The following NEGR1 variants were observed in gnomAD, a reference collection of about 807,000 sequenced individuals.
The protein encoded by NEGR1 is IgLON family member 4.
NEGR1 carries 10 observed loss-of-function variants against 40.9 expected under a neutral mutation model. The observed-to-expected ratio is 0.24, with a 90% CI of 0.15 to 0.42. The LOEUF (loss-of-function observed/expected upper bound fraction) is 0.42, where lower values mean the gene tolerates loss of function less well. Among genes scored for constraint, NEGR1 ranks in the 10% least tolerant of loss-of-function variants. The pLI is 1.00. For synonymous variants in NEGR1, 185 were observed against 166.8 expected (o/e 1.11, Z -0.84); for missense variants, 352 against 438.9 (o/e 0.80, Z 1.77).
Position 71,970,562 on chromosome 1 carries a change from C to T in NEGR1, c.177-35251G>A, listed in dbSNP as rs1425982743. Among the ~76,000 whole-genome samples, 6 of 151,832 alleles carry T rather than the reference C, an allele frequency of 4.0e-5. No individual in the cohort carries two copies. In the East Asian group the frequency reaches 7.8e-4, roughly 20 times the overall value. On this transcript the variant is annotated intron_variant, in intron 1 of 6. Coordinates refer to ENST00000357731, the MANE Select transcript of NEGR1 (RefSeq NM_173808.3). ...GAAAAATTAGCCAGGCATGGTAGTG[C>T]GTGCCTGTAGATCCAGCTCCTCCTT...
intron 1 of NEGR1, among the ~76,000 whole-genome samples, chr1:72,112,690 G>GA (rs35420279): frequency 0.42 from 62,439 of 149,890 alleles, 14,105 homozygotes; most frequent in South Asian, 0.55. Flanking sequence ...GAGGGGGAAA[G>GA]AAAAAAAAAT....
chr1:72,146,433 C>T (rs1316352138), intron 1 of NEGR1, among the ~76,000 whole-genome samples: 1 of 152,076 alleles, frequency 6.6e-6, no homozygotes, highest in African/African-American at 2.4e-5. Context: ...ATGATTTCTT[C>T]TCCGTAGCTT....
At chr1:71,793,411 G>C (rs1484850613) in intron 2 of NEGR1, among the ~76,000 whole-genome samples, 2 of 147,412 alleles carry the variant, frequency 1.4e-5, no homozygotes, top group Non-Finnish European at 3.0e-5. Flanking sequence ...GCCCGGCCTG[G>C]GATGGTCTAT....
chr1:72,216,620 T>C (rs965642552), intron 1 of NEGR1, among the ~76,000 whole-genome samples: 3 of 150,970 alleles, frequency 2.0e-5, no homozygotes, highest in East Asian at 1.9e-4. Flanking sequence ...TTTGAAAACA[T>C]AAAGTTAAAA....
At chr1:71,902,822 G>T (rs1162935581) in intron 2 of NEGR1, among the ~76,000 whole-genome samples, 1 of 151,480 alleles carries the variant, frequency 6.6e-6, no homozygotes, top group African/African-American at 2.4e-5. Flanking sequence ...TACAATATGG[G>T]CACAAGATGT....
chr1:71,965,443 A>C (rs1046772132), intron 1 of NEGR1, among the ~76,000 whole-genome samples: 1 of 152,170 alleles, frequency 6.6e-6, no homozygotes, highest in Non-Finnish European at 1.5e-5. Context: ...CATGCTTCAT[A>C]GTCTATGTCA....
chr1:72,091,050 A>G (rs1204039830), intron 1 of NEGR1, among the ~76,000 whole-genome samples: 5 of 152,104 alleles, frequency 3.3e-5, no homozygotes, highest in Admixed American at 1.3e-4. Context: ...TGATTTTTCA[A>G]ATTTATTAGA....
intron 4 of NEGR1, among the ~76,000 whole-genome samples, chr1:71,672,819 A>G (rs1652479019): frequency 6.6e-6 from 1 of 152,222 alleles, no homozygotes; most frequent in South Asian, 2.1e-4. Context: ...CTAACAGATC[A>G]TGAATGAGCT....
chr1:71,883,664 G>A (rs192687308), intron 2 of NEGR1, among the ~76,000 whole-genome samples: 4 of 152,012 alleles, frequency 2.6e-5, no homozygotes, highest in African/African-American at 9.6e-5. Context: ...CCGTGTTGGT[G>A]TGCTGCACCC....
chr1:71,435,924 A>C (rs905307623), intron 6 of NEGR1, among the ~76,000 whole-genome samples: 7 of 152,056 alleles, frequency 4.6e-5, no homozygotes, highest in Admixed American at 3.3e-4. Flanking sequence ...TCCTCAATAC[A>C]TTTCTAACTC....
intron 6 of NEGR1, among the ~76,000 whole-genome samples, chr1:71,506,149 A>G (rs1055553243): frequency 6.6e-6 from 1 of 152,152 alleles, no homozygotes; most frequent in Admixed American, 6.5e-5. Flanking sequence ...TCCTTAAAAG[A>G]CAAAAAATCT....
chr1:71,903,791 T>A (rs1056959703), intron 2 of NEGR1, among the ~76,000 whole-genome samples: 7 of 151,652 alleles, frequency 4.6e-5, no homozygotes, highest in African/African-American at 1.7e-4. Context: ...ATCTATATCA[T>A]CTTCCTTATA....
At chr1:71,643,488 G>T (rs1490679736) in intron 4 of NEGR1, among the ~76,000 whole-genome samples, 5 of 151,936 alleles carry the variant, frequency 3.3e-5, no homozygotes, top group Admixed American at 1.3e-4. Context: ...GTTATACTAG[G>T]TTAAATTTAT....
chr1:72,103,625 C>T (rs1420887103), intron 1 of NEGR1, among the ~76,000 whole-genome samples: 2 of 152,050 alleles, frequency 1.3e-5, no homozygotes, highest in African/African-American at 4.8e-5. Flanking sequence ...TGTTAAGCTA[C>T]GTTTTCCCTG....
At chr1:71,530,241 T>C (rs1469628145) in intron 6 of NEGR1, among the ~76,000 whole-genome samples, 2 of 151,392 alleles carry the variant, frequency 1.3e-5, no homozygotes, top group African/African-American at 4.8e-5. Context: ...TTTCATTTAC[T>C]ATTTTCATTT....
At chr1:72,172,466 TA>T (rs1182836145) in intron 1 of NEGR1, among the ~76,000 whole-genome samples, 3 of 152,260 alleles carry the variant, frequency 2.0e-5, no homozygotes, top group Admixed American at 6.5e-5. Context: ...GTCTTCTCCA[TA>T]AATAAAGGGC....
At chr1:71,669,098 T>G (rs1443591156) in intron 4 of NEGR1, among the ~76,000 whole-genome samples, 1 of 152,322 alleles carries the variant, frequency 6.6e-6, no homozygotes, top group South Asian at 2.1e-4. Flanking sequence ...AGAATTTTTA[T>G]ATATTCCTAG....
intron 4 of NEGR1, among the ~76,000 whole-genome samples, chr1:71,650,427 C>T (rs1408627695): frequency 6.6e-6 from 1 of 152,124 alleles, no homozygotes; most frequent in Non-Finnish European, 1.5e-5. Flanking sequence ...ATCTTTAGGA[C>T]TGAAAACTAG....
intron 6 of NEGR1, among the ~76,000 whole-genome samples, chr1:71,490,536 C>T (rs772914217): frequency 6.6e-6 from 1 of 151,974 alleles, no homozygotes; most frequent in East Asian, 1.9e-4. Flanking sequence ...CTGTTTCAAA[C>T]GTAAATCCCC....
Sources: gnomAD v4.1 joint callset for allele counts (sites outside exome capture counted in the v4.1 genomes callset) on GRCh38, gnomAD v4.1.1 for gene constraint, MANE v1.5 for transcripts, NCBI Gene and HGNC (gene_info 2026-07-23, HGNC 2026-07-21) for gene names.